The following MACROD2 variants were observed in gnomAD, a reference collection of about 807,000 sequenced individuals.
The protein encoded by MACROD2 is ADP-ribose glycohydrolase MACROD2.
In MACROD2, 36 loss-of-function variants were observed where a neutral mutation model predicts 70.4. The ratio of observed to expected loss-of-function variants is 0.51; its 90% CI spans 0.39 to 0.68. MACROD2 has a LOEUF of 0.68. Ranked by LOEUF, MACROD2 falls within the 30% of genes least tolerant of loss-of-function variation. The pLI is 0.00. For missense variants in MACROD2, 496 were observed against 538.4 expected, an observed-to-expected ratio of 0.92 and a Z score of 0.78; for synonymous variants, 172 against 178.8, an observed-to-expected ratio of 0.96 and a Z score of 0.30.
At chr20:15,512,185 T>C (rs2047508686) in intron 8 of MACROD2, among the ~76,000 whole-genome samples, 1 of 152,226 alleles carries the variant, frequency 6.6e-6, no homozygotes. Flanking sequence ...GCTTACTTTC[T>C]ACTCACAAGC....
intron 10 of MACROD2, among the ~76,000 whole-genome samples, chr20:15,895,756 A>T (rs1320990074): frequency 6.6e-6 from 1 of 152,198 alleles, no homozygotes; most frequent in African/African-American, 2.4e-5. Flanking sequence ...GTTCCACAGG[A>T]TGGGCCGGGG....
intron 6 of MACROD2, among the ~76,000 whole-genome samples, chr20:15,292,395 T>C (rs748168968): frequency 2.6e-5 from 4 of 152,168 alleles, no homozygotes; most frequent in African/African-American, 4.8e-5. Context: ...TAGTAAAAAA[T>C]TGTTGCACCT....
At chr20:15,681,153 T>C (rs991158224) in intron 8 of MACROD2, among the ~76,000 whole-genome samples, 4 of 152,238 alleles carry the variant, frequency 2.6e-5, no homozygotes, top group African/African-American at 7.2e-5. Context: ...TCTTGTACTC[T>C]ACGTTTAAAG....
At chr20:14,930,318 T>A (rs921423918) in intron 5 of MACROD2, among the ~76,000 whole-genome samples, 1 of 152,306 alleles carries the variant, frequency 6.6e-6, no homozygotes, top group South Asian at 2.1e-4. Context: ...ACAAACCTTG[T>A]TGTCAATGTG....
intron 5 of MACROD2, among the ~76,000 whole-genome samples, chr20:15,052,557 CTG>C (rs1246621845): frequency 6.6e-6 from 1 of 152,142 alleles, no homozygotes; most frequent in African/African-American, 2.4e-5. Context: ...GTGCCACAAA[CTG>C]TGCTCATAAA....
At chr20:14,164,174 T>G (rs144603352) in intron 3 of MACROD2, among the ~76,000 whole-genome samples, 1 of 152,264 alleles carries the variant, frequency 6.6e-6, no homozygotes, top group African/African-American at 2.4e-5. Context: ...TCTGGGTGTG[T>G]GCAGTAGTAC....
chr20:15,647,576 T>G (rs2049567333), intron 8 of MACROD2, among the ~76,000 whole-genome samples: 1 of 152,236 alleles, frequency 6.6e-6, no homozygotes, highest in Non-Finnish European at 1.5e-5. Context: ...TGGTAAAGCT[T>G]TAAAATATGT....
In MACROD2 at chr20:14,456,802, C is replaced by T. The variant is rs186612997; in HGVS notation, c.272-36677C>T. ...TGCGATCTCGGCTCAATGCAAGCCC[C>T]GCCTCCCGGGTTCACGCCATTTTCC... On this transcript the variant is annotated intron_variant, in intron 3 of 17. Transcript: ENST00000684519. Among the ~76,000 whole-genome samples, 323 of 149,646 alleles carry T rather than the reference C, an allele frequency of 2.2e-3. 3 individuals carry two copies. Among genetic ancestry groups the T allele is most frequent in the Non-Finnish European group, 2.3e-3 (159 of 67,660 alleles).
chr20:15,931,970 G>A (rs1237121393), intron 10 of MACROD2, among the ~76,000 whole-genome samples: 7 of 152,130 alleles, frequency 4.6e-5, no homozygotes, highest in Non-Finnish European at 1.0e-4. Context: ...TCGGAATTAA[G>A]AGTTGGTAGG....
intron 4 of MACROD2, among the ~76,000 whole-genome samples, chr20:14,575,178 T>G (rs1259697267): frequency 6.6e-6 from 1 of 151,988 alleles, no homozygotes; most frequent in Non-Finnish European, 1.5e-5. Flanking sequence ...TTTAAAATAT[T>G]TATTTACTAA....
chr20:14,047,329 C>T (rs1025614809), intron 2 of MACROD2, among the ~76,000 whole-genome samples: 5 of 151,968 alleles, frequency 3.3e-5, no homozygotes, highest in Admixed American at 2.0e-4. Flanking sequence ...GTGGCATGTG[C>T]CTGTAATCCT....
chr20:15,516,801 C>T (rs1488722376), intron 8 of MACROD2, among the ~76,000 whole-genome samples: 1 of 152,154 alleles, frequency 6.6e-6, no homozygotes, highest in Admixed American at 6.5e-5. Context: ...TTAGTACTTT[C>T]TCCCATCATG....
chr20:14,580,373 A>G (rs118040135), intron 4 of MACROD2, among the ~76,000 whole-genome samples: 1 of 152,250 alleles, frequency 6.6e-6, no homozygotes, highest in Non-Finnish European at 1.5e-5. Flanking sequence ...GTATTATTCC[A>G]TTATCTTGGT....
chr20:15,825,258 G>T (rs374340585), intron 8 of MACROD2, among the ~76,000 whole-genome samples: 3 of 152,274 alleles, frequency 2.0e-5, no homozygotes. Context: ...ACTTTAGGGG[G>T]ACTAGAAGCT....
chr20:14,176,419 A>G lies in MACROD2; in HGVS notation c.271+90691A>G, dbSNP rs2081263532. On this transcript the variant is annotated intron_variant, in intron 3 of 17. Transcript: ENST00000684519. ...CTCATGATAACTTCTACAGATACAT[A>G]AAGTGAAATGTGCTCTCTGGAGTTG... Among the ~76,000 whole-genome samples, 3 of 152,236 alleles carry G rather than the reference A, an allele frequency of 2.0e-5. No homozygotes were observed. The South Asian group carries it at 6.2e-4, about 31-fold the overall frequency.
chr20:14,979,299 T>C (rs2074775676), intron 5 of MACROD2, among the ~76,000 whole-genome samples: 1 of 152,032 alleles, frequency 6.6e-6, no homozygotes, highest in Non-Finnish European at 1.5e-5. Context: ...AGAATAAAAT[T>C]TGTAAAATTT....
At chr20:14,135,769 A>C (rs951636776) in intron 3 of MACROD2, among the ~76,000 whole-genome samples, 1 of 152,200 alleles carries the variant, frequency 6.6e-6, no homozygotes, top group South Asian at 2.1e-4. Flanking sequence ...TCAGAAATCT[A>C]GTATTAGAAG....
chr20:15,170,688 T>C (rs1208695910), intron 5 of MACROD2, among the ~76,000 whole-genome samples: 1 of 152,096 alleles, frequency 6.6e-6, no homozygotes, highest in Non-Finnish European at 1.5e-5. Context: ...CCATTTAAGT[T>C]GGGGGACTCT....
chr20:14,335,821 G>A lies in MACROD2; in HGVS notation c.272-157658G>A, dbSNP rs140786519. Among the ~76,000 whole-genome samples the A allele has an allele frequency of 4.6e-5, 7 of 152,164 alleles. No homozygotes were observed. The South Asian group carries it at 1.2e-3, about 27-fold the overall frequency. On this transcript the variant is annotated intron_variant, in intron 3 of 17. Transcript: ENST00000684519. ...TTTCTTAGTAAATCTATGCGTTTTT[G>A]TAACTCTGTTTTTATTTCAGGGTAA... is the stretch of plus-strand genomic sequence containing the variant.
Sources: gnomAD v4.1 joint callset for allele counts (sites outside exome capture counted in the v4.1 genomes callset) on GRCh38, gnomAD v4.1.1 for gene constraint, MANE v1.5 for transcripts, NCBI Gene and HGNC (gene_info 2026-07-23, HGNC 2026-07-21) for gene names.